SNX8: variants seen among roughly 807,000 people sequenced by gnomAD.
SNX8 encodes sorting nexin-8.
Under a neutral mutation model 51.6 loss-of-function variants are expected in SNX8, and 25 were observed. The ratio of observed to expected loss-of-function variants is 0.48; its 90% CI spans 0.35 to 0.68. The LOEUF (loss-of-function observed/expected upper bound fraction) is 0.68, where lower values mean the gene tolerates loss of function less well. SNX8 is among the 30% of genes least tolerant of loss of function. The pLI, the probability that SNX8 is intolerant of heterozygous loss-of-function variation, is 0.00. For synonymous variants in SNX8, 324 were observed against 277.0 expected (o/e 1.17, Z -1.68); for missense variants, 695 against 624.0 (o/e 1.11, Z -1.21).
intron 1 of SNX8, among the ~76,000 whole-genome samples, chr7:2,313,738 C>T (rs1310991609): frequency 1.3e-5 from 2 of 152,036 alleles, no homozygotes; most frequent in South Asian, 2.1e-4. Flanking sequence ...TGCACGCGCC[C>T]GTAGTCCCAG....
At chr7:2,269,458 T>C in intron 5 of SNX8, 101 bp downstream of exon 5, 1 of 587,648 alleles carries the variant, frequency 1.7e-6, no homozygotes, top group Admixed American at 3.6e-5. Flanking sequence ...TCCACTATTG[T>C]CCCATGACCC....
rs551597618 is a variant in SNX8 at position 2,342,897 on chromosome 7, G to A, written c.-66+11325C>T. On this transcript the variant is annotated intron_variant, in intron 1 of 5. Coordinates refer to the SNX8 transcript ENST00000435336. ...GAGTGCAGTGGCATGATCTCGGCTC[G>A]CTGCAAGCTCCACCTCCCGCGTTCA... Among the ~76,000 whole-genome samples, 586 of 151,638 alleles carry A rather than the reference G, an allele frequency of 3.9e-3. 6 individuals are homozygous for A. The highest frequency in any genetic ancestry group is 0.013 in the African/African-American group (541 of 41,384).
At chr7:2,287,086 C>G (rs1222582134) in intron 1 of SNX8, among the ~76,000 whole-genome samples, 1 of 151,272 alleles carries the variant, frequency 6.6e-6, no homozygotes, top group Admixed American at 6.6e-5. Context: ...TGCAGTGAGC[C>G]GAGATTGCAC....
At chr7:2,351,158 C>G (rs1180997085) in intron 1 of SNX8, among the ~76,000 whole-genome samples, 2 of 151,936 alleles carry the variant, frequency 1.3e-5, no homozygotes, top group Non-Finnish European at 2.9e-5. Context: ...AAGCACAACA[C>G]AGGCCACGCT....
chr7:2,253,007 C>A lies in SNX8; in HGVS notation c.*2049G>T. The A allele has an allele frequency of 6.9e-6, 1 of 145,664 alleles. No homozygotes were observed. The highest frequency in any genetic ancestry group is 1.5e-5 in the Non-Finnish European group (1 of 66,772). The allele number at this position is 145,664 out of a possible 1,614,324, so 9.0% of individuals were successfully genotyped here. A position where few individuals can be genotyped will look rare whatever the true frequency, so the allele number is the denominator to read the frequency against. ...CCCTGTTCTCCTGTTCTCCTGACCC[C>A]TGCCCTCCTGCTCCCCCAACTCCTG... On this transcript the variant is annotated 3_prime_UTR_variant, in exon 11 of 11. Coordinates refer to ENST00000222990, the MANE Select transcript of SNX8 (RefSeq NM_013321.4).
chr7:2,281,488 C>T (rs921238456), intron 1 of SNX8, among the ~76,000 whole-genome samples: 8 of 151,932 alleles, frequency 5.3e-5, no homozygotes, highest in Non-Finnish European at 1.2e-4. Flanking sequence ...GGACCACACA[C>T]TGCAGAACGG....
chr7:2,340,352 G>A lies in SNX8; in HGVS notation c.-66+13870C>T, dbSNP rs77320293. Among the ~76,000 whole-genome samples, 990 of 150,494 alleles carry A rather than the reference G, an allele frequency of 6.6e-3. 4 individuals are homozygous for A. The highest frequency in any genetic ancestry group is 0.011 in the Non-Finnish European group (774 of 67,648). ...CTCCCAAAGTGCTGGGATTACAGGCGTGACCCACCATGCCCGGCCTACACT... is the reference window on the plus strand; with the variant it reads ...CTCCCAAAGTGCTGGGATTACAGGCATGACCCACCATGCCCGGCCTACACT... On this transcript the variant is annotated intron_variant, in intron 1 of 5. Transcript: ENST00000435336.
chr7:2,348,436 G>T (rs1779075406), intron 1 of SNX8, among the ~76,000 whole-genome samples: 4 of 150,220 alleles, frequency 2.7e-5, no homozygotes, highest in African/African-American at 9.8e-5. Context: ...CGCCTTCCGG[G>T]TTCACGCCAT....
chr7:2,262,161 G>T (rs1007074434), intron 7 of SNX8, among the ~76,000 whole-genome samples: 1 of 152,084 alleles, frequency 6.6e-6, no homozygotes, highest in Admixed American at 6.6e-5. Flanking sequence ...CCTCAGCCTC[G>T]TGAGTAGCTG....
intron 1 of SNX8, among the ~76,000 whole-genome samples, chr7:2,300,721 C>T (rs1796371772): frequency 6.6e-6 from 1 of 152,050 alleles, no homozygotes; most frequent in Admixed American, 6.6e-5. Context: ...TGGCTCCCTG[C>T]AACCTCCACC....
intron 1 of SNX8, among the ~76,000 whole-genome samples, chr7:2,299,617 G>A (rs183786858): frequency 1.1e-4 from 17 of 152,132 alleles, no homozygotes; most frequent in African/African-American, 4.1e-4. Context: ...GGAGTTTGGA[G>A]TTCCAAAAAG....
intron 1 of SNX8, among the ~76,000 whole-genome samples, chr7:2,281,432 GA>G (rs939627393): frequency 0.011 from 1,553 of 137,792 alleles, 18 homozygotes; most frequent in African/African-American, 0.037. Context: ...AAACAAAAAG[GA>G]AAAAAAAAAA....
intron 1 of SNX8, among the ~76,000 whole-genome samples, chr7:2,292,713 G>A (rs1020433658): frequency 1.3e-5 from 2 of 152,032 alleles, no homozygotes; most frequent in Admixed American, 1.3e-4. Context: ...GCCCGGCCCA[G>A]GCAAAGACTT....
intron 4 of SNX8, among the ~76,000 whole-genome samples, 154 bp downstream of exon 4, chr7:2,271,696 C>A (rs1487298568): frequency 6.6e-6 from 1 of 152,206 alleles, no homozygotes; most frequent in African/African-American, 2.4e-5. Flanking sequence ...AGACTGTTAT[C>A]TGGAAAGGAA....
At chr7:2,284,059 T>C (rs1442617036) in intron 1 of SNX8, among the ~76,000 whole-genome samples, 1 of 152,174 alleles carries the variant, frequency 6.6e-6, no homozygotes, top group African/African-American at 2.4e-5. Flanking sequence ...CTTCCCAAAT[T>C]GCTGGGATTA....
chr7:2,343,928 G>A (rs1198897231), intron 1 of SNX8, among the ~76,000 whole-genome samples: 1 of 151,856 alleles, frequency 6.6e-6, no homozygotes, highest in East Asian at 1.9e-4. Context: ...AGCTACTCAG[G>A]AGGCTGAGGG....
In SNX8 at chr7:2,257,015, G is replaced by T. The variant is rs748939063; in HGVS notation, c.1143C>A (p.Asn381Lys). Residue 381 changes from asparagine to lysine, a missense_variant, in exon 10 of 11, where the codon AAC becomes AAA. Coordinates refer to ENST00000222990, the MANE Select transcript of SNX8 (RefSeq NM_013321.4). ...TCCGCAGCTCCATCGTCTGAATCGCGTTCTCCTGCTGCGGAGCAAACAGCC... is the reference window on the plus strand; with the variant it reads ...TCCGCAGCTCCATCGTCTGAATCGCTTTCTCCTGCTGCGGAGCAAACAGCC... Reference protein sequence around the residue: ...QLESRIVEQENAIQTMELRNY... With the variant: ...QLESRIVEQEKAIQTMELRNY... 1.2e-6 allele frequency: 2 copies of T among 1,604,860 alleles called. No homozygotes were observed. Among genetic ancestry groups the T allele is most frequent in the Non-Finnish European group, 8.5e-7 (1 of 1,174,360 alleles).
At chr7:2,295,763 G>A (rs551642238) in intron 1 of SNX8, among the ~76,000 whole-genome samples, 26 of 152,210 alleles carry the variant, frequency 1.7e-4, no homozygotes, top group African/African-American at 5.8e-4. Context: ...TTTTGCATAT[G>A]GTGAGAGCGA....
In SNX8 at chr7:2,257,043, C is replaced by T; in HGVS notation, c.1135-20G>A. ...CTCCTGCTGCGGAGCAAACAGCCGC[C>T]TTTCGCACCCGGCCCAGCCGGCGAC... On this transcript the variant is annotated intron_variant, in intron 9 of 10. Coordinates refer to ENST00000222990, the MANE Select transcript of SNX8 (RefSeq NM_013321.4). 6.3e-7 allele frequency: 1 copy of T among 1,585,644 alleles called. No homozygotes were observed.
Sources: gnomAD v4.1 joint callset for allele counts (sites outside exome capture counted in the v4.1 genomes callset) on GRCh38, gnomAD v4.1.1 for gene constraint, MANE v1.5 for transcripts, NCBI Gene and HGNC (gene_info 2026-07-23, HGNC 2026-07-21) for gene names.